Variants in AKAP3 observed in about 807,000 individuals in gnomAD.
The protein encoded by AKAP3 is A-kinase anchor protein 3.
Under a neutral mutation model 57.2 loss-of-function variants are expected in AKAP3, and 27 were observed. The ratio of observed to expected loss-of-function variants is 0.47; its 90% CI spans 0.35 to 0.65. The LOEUF is 0.65. Ranked by LOEUF, AKAP3 falls within the 30% of genes least tolerant of loss-of-function variation. AKAP3 has a pLI of 0.01. For missense variants in AKAP3, 959 were observed against 1,040.0 expected, an observed-to-expected ratio of 0.92 and a Z score of 1.07; for synonymous variants, 334 against 392.3, an observed-to-expected ratio of 0.85 and a Z score of 1.76.
At position 4,626,611 on chromosome 12, in the gene AKAP3, A is replaced by T; in HGVS notation, c.2291T>A (p.Leu764Gln). 2 of 1,614,196 alleles carry T rather than the reference A, an allele frequency of 1.2e-6. No homozygotes were observed. Among genetic ancestry groups the T allele is most frequent in the Non-Finnish European group, 8.5e-7 (1 of 1,180,026 alleles). Residue 764 changes from leucine to glutamine, a missense_variant, in exon 5 of 6, where the codon CTA becomes CAA. Coordinates refer to ENST00000228850, the MANE Select transcript of AKAP3 (RefSeq NM_001278309.2). ...APTVIVSNHN[L>Q]TDTVQNKQLQ... ...TTGCTTGTTCTGAACTGTGTCCGTTAGGTTGTGATTGCTGACAATCACCGT... is the reference window on the plus strand; with the variant it reads ...TTGCTTGTTCTGAACTGTGTCCGTTTGGTTGTGATTGCTGACAATCACCGT...
chr12:4,627,630 C>A lies in AKAP3; in HGVS notation c.1272G>T (p.Met424Ile). The A allele has an allele frequency of 6.2e-7, 1 of 1,614,064 alleles. No homozygotes were observed. The highest frequency in any genetic ancestry group is 8.5e-7 in the Non-Finnish European group (1 of 1,180,030). Reference protein sequence around the residue: ...DPKNRNVNFAMKSETKLREKM... With the variant: ...DPKNRNVNFAIKSETKLREKM... ...TTTCTCTCAATTTAGTTTCAGATTT[C>A]ATGGCAAAGTTCACATTTCGGTTTT... The change falls in exon 5 of 6, where the codon ATG (methionine) becomes ATT (isoleucine). Residue 424 changes from methionine to isoleucine, a missense_variant. Met to Ile is a conservative substitution (Grantham distance 10, BLOSUM62 1). Transcript: ENST00000228850.
chr12:4,624,827 T>TAC (rs1290290376), intron 5 of AKAP3, among the ~76,000 whole-genome samples: 5 of 151,856 alleles, frequency 3.3e-5, no homozygotes, highest in Non-Finnish European at 7.4e-5. Flanking sequence ...TGTGTGTGTA[T>TAC]ATAAAAGTGG....
chr12:4,622,407 C>G (rs1367254838), intron 5 of AKAP3, among the ~76,000 whole-genome samples: 1 of 152,170 alleles, frequency 6.6e-6, no homozygotes, highest in Non-Finnish European at 1.5e-5. Context: ...GTAACCAAAA[C>G]AGCATGGTAC....
At chr12:4,631,140 GT>G (rs1431840831) in intron 4 of AKAP3, among the ~76,000 whole-genome samples, 1 of 152,244 alleles carries the variant, frequency 6.6e-6, no homozygotes, top group East Asian at 1.9e-4. Flanking sequence ...TACTAATTTT[GT>G]TTTTGGTTCT....
intron 5 of AKAP3, among the ~76,000 whole-genome samples, chr12:4,623,735 C>A (rs944319695): frequency 6.6e-6 from 1 of 152,014 alleles, no homozygotes; most frequent in Admixed American, 6.6e-5. Flanking sequence ...AGCACATATA[C>A]CCCTGAACCT....
intron 5 of AKAP3, among the ~76,000 whole-genome samples, chr12:4,620,647 A>T (rs1416264338): frequency 6.6e-6 from 1 of 152,176 alleles, no homozygotes; most frequent in Non-Finnish European, 1.5e-5. Context: ...TGGTGGTTCC[A>T]TATGCTTATA....
At chr12:4,644,678 G>A (rs1945677354) in intron 2 of AKAP3, among the ~76,000 whole-genome samples, 1 of 152,222 alleles carries the variant, frequency 6.6e-6, no homozygotes, top group South Asian at 2.1e-4. Flanking sequence ...TTGGGAGGCC[G>A]AAGTGGAGGG....
chr12:4,618,522 CA>C (rs1945311692), intron 5 of AKAP3, among the ~76,000 whole-genome samples: 1 of 152,176 alleles, frequency 6.6e-6, no homozygotes, highest in Admixed American at 6.5e-5. Context: ...TAGGCAAAAA[CA>C]AGGAGAAAAT....
At position 4,627,900 on chromosome 12, in the gene AKAP3, G is replaced by T; in HGVS notation, c.1002C>A (p.Ile334=). The part of the protein sequence containing the change: ...KHAKEVVSDL[I]DSFLRNLHSV... The stretch of plus-strand genomic sequence containing the variant: ...TGTGGAGATTCCTCAAGAAGGAGTC[G>T]ATGAGATCCGAGACCACCTCTTTTG... Residue 334 remains isoleucine, a synonymous_variant, in exon 5 of 6, where the codon ATC becomes ATA. Transcript: ENST00000228850. The T allele has an allele frequency of 6.2e-7, 1 of 1,614,132 alleles. No individual in the cohort carries two copies. Among genetic ancestry groups the T allele is most frequent in the South Asian group, 1.1e-5 (1 of 91,064 alleles).
At position 4,635,954 on chromosome 12, in the gene AKAP3, C is replaced by A; in HGVS notation, c.96+2147G>T. The A allele has an allele frequency of 3.9e-6, 4 of 1,024,942 alleles. No homozygotes were observed. The South Asian group carries it at 5.3e-5, about 14-fold the overall frequency. The allele number at this position is 1,024,942 out of a possible 1,614,324, so 63.5% of individuals were successfully genotyped here. On this transcript the variant is annotated intron_variant, in intron 4 of 5. Coordinates refer to ENST00000228850, the MANE Select transcript of AKAP3 (RefSeq NM_001278309.2). ...CTAGCAGTTGGTTTTCTTTTTGGGC[C>A]CATATTTCACAAAGAAACAGCTTTT...
At position 4,628,349 on chromosome 12, in the gene AKAP3, CAG is replaced by C; in HGVS notation, c.551_552del (p.Ser184CysfsTer48). The C allele has an allele frequency of 6.2e-7, 1 of 1,614,170 alleles. No individual in the cohort carries two copies. The highest frequency in any genetic ancestry group is 8.5e-7 in the Non-Finnish European group (1 of 1,180,028). ...IASELVNETV[S>X]ACSRNAAPDK... ...TCTGGGGCAGCATTCCTGGAACATG[CAG>C]AGACGGTCTCATTCACAAGCTCTGA... On this transcript the variant is annotated frameshift_variant, in exon 5 of 6. Transcript: ENST00000228850. LOFTEE classifies it high-confidence loss of function.
At chr12:4,639,657 A>G (rs1003788338) in intron 3 of AKAP3, among the ~76,000 whole-genome samples, 1 of 144,654 alleles carries the variant, frequency 6.9e-6, no homozygotes, top group Non-Finnish European at 1.5e-5. Context: ...ATTCCCACCT[A>G]TGAGTGAGAA....
chr12:4,645,480 A>C (rs1945687667), intron 1 of AKAP3: 1 of 152,072 alleles, frequency 6.6e-6, no homozygotes, highest in South Asian at 2.1e-4. Context: ...AGCACATTAC[A>C]TTTGTTGTGC....
chr12:4,640,552 C>T (rs1478679435), intron 3 of AKAP3, among the ~76,000 whole-genome samples: 1 of 152,136 alleles, frequency 6.6e-6, no homozygotes, highest in Non-Finnish European at 1.5e-5. Context: ...ATCATTGAAA[C>T]TTATATAAGT....
chr12:4,639,698 T>C (rs1023768298), intron 3 of AKAP3, among the ~76,000 whole-genome samples: 2 of 152,036 alleles, frequency 1.3e-5, no homozygotes, highest in African/African-American at 2.4e-5. Flanking sequence ...GTCCTTGCGA[T>C]AGTTTGCTCA....
At chr12:4,643,163 A>G (rs894601723) in intron 2 of AKAP3, among the ~76,000 whole-genome samples, 6 of 152,216 alleles carry the variant, frequency 3.9e-5, no homozygotes, top group Non-Finnish European at 8.8e-5. Flanking sequence ...TCACTTAAAT[A>G]TATTCTAATG....
At chr12:4,640,734 G>T (rs1945627011) in intron 3 of AKAP3, among the ~76,000 whole-genome samples, 1 of 152,120 alleles carries the variant, frequency 6.6e-6, no homozygotes, top group South Asian at 2.1e-4. Flanking sequence ...TAATCTTCCA[G>T]GCACTCAAAT....
At chr12:4,617,698 G>A (rs1273636079) in intron 5 of AKAP3, among the ~76,000 whole-genome samples, 5 of 150,176 alleles carry the variant, frequency 3.3e-5, no homozygotes, top group Non-Finnish European at 7.4e-5. Context: ...GTTGCAATGA[G>A]CCGAGATCAC....
Position 4,625,031 on chromosome 12 carries a change from AT to A in AKAP3, c.2406+1464del, listed in dbSNP as rs3833998. Among the ~76,000 whole-genome samples the A allele has an allele frequency of 0.075, 11,358 of 151,994 alleles. 812 individuals carry two copies. The highest frequency in any genetic ancestry group is 0.27 in the East Asian group (1,392 of 5,160). Reference sequence around the variant, plus strand: ...ACCTGAAAGCTATGCTTACTTTTAGATTTTTTTCATCAGTTTAAATTTTCTT... The same window carrying A: ...ACCTGAAAGCTATGCTTACTTTTAGATTTTTTCATCAGTTTAAATTTTCTT... On this transcript the variant is annotated intron_variant, in intron 5 of 5. Coordinates refer to ENST00000228850, the MANE Select transcript of AKAP3 (RefSeq NM_001278309.2). This position sits in a 1 kb window ranked among gnomAD's most constrained non-coding sequence, Gnocchi z 5.4.
Sources: allele counts gnomAD v4.1 joint callset (sites outside exome capture counted in the v4.1 genomes callset), GRCh38; gene constraint gnomAD v4.1.1; non-coding constraint Gnocchi (gnomAD v3.1); transcripts MANE v1.5; gene names NCBI Gene and HGNC (gene_info 2026-07-23, HGNC 2026-07-21).